Variants in CITED1 observed in about 807,000 individuals in gnomAD.
The protein encoded by CITED1 is cbp/p300-interacting transactivator 1.
Under a neutral mutation model 8.5 loss-of-function variants are expected in CITED1, and 3 were observed. The observed-to-expected ratio is 0.35, with a 90% CI of 0.16 to 0.91. CITED1 has a LOEUF of 0.91. CITED1 is among the 40% of genes least tolerant of loss of function. The pLI is 0.46. For synonymous variants in CITED1, 54 were observed against 67.4 expected (o/e 0.80, Z 0.97); for missense variants, 113 against 154.8 (o/e 0.73, Z 1.43).
At chrX:72,302,599 T>C (rs1193549861) in intron 2 of CITED1, among the ~76,000 whole-genome samples, 2 of 112,381 alleles carry the variant, frequency 1.8e-5, no homozygotes, top group Non-Finnish European at 3.8e-5. Context: ...TCCTACTCAA[T>C]TTCTCTGCTC....
chrX:72,305,760 G>C, intron 1 of CITED1, 65 bp downstream of exon 1: 1 of 129,895 alleles, frequency 7.7e-6, no homozygotes, highest in Non-Finnish European at 1.6e-5. Flanking sequence ...CAAGCCGCCT[G>C]CGGTCAGTGC....
chrX:72,303,064 C>T, intron 1 of CITED1, 130 bp from the exon 2 acceptor site: 1 of 846,628 alleles, frequency 1.2e-6, no homozygotes, highest in Non-Finnish European at 1.6e-6. Context: ...GAATCAAGAC[C>T]AGAGATCACC....
chrX:72,303,076 G>A (rs1312296045), intron 1 of CITED1, 142 bp from the exon 2 acceptor site: 2 of 795,511 alleles, frequency 2.5e-6, no homozygotes, highest in Admixed American at 3.3e-5. Context: ...GAGATCACCC[G>A]AGCACAGGGA....
rs1279757157 is a variant in CITED1, at chrX:72,302,027, G to C, written c.278C>G (p.Ala93Gly). The C allele has an allele frequency of 8.3e-7, 1 of 1,201,834 alleles. No individual in the cohort carries two copies. Among genetic ancestry groups the C allele is most frequent in the African/African-American group, 1.8e-5 (1 of 57,119 alleles). ...FNLHPAPHLL[A>G]SMHLQKLNSQ... ...ATTAAGTTTCTGCAGGTGCATACTA[G>C]CCAGCAAGTGAGGGGCGGGGTGCAG... Residue 93 changes from alanine (A) to glycine (G), a missense_variant, in exon 3 of 3, where the codon GCT (alanine) becomes GGT (glycine). Physicochemically the swap from Ala to Gly is moderately conservative, Grantham distance 60. Coordinates refer to ENST00000651998, the MANE Select transcript of CITED1 (RefSeq NM_001144887.2).
At chrX:72,305,122 GCC>G (rs1348273378) in intron 1 of CITED1, among the ~76,000 whole-genome samples, 1 of 112,288 alleles carries the variant, frequency 8.9e-6, no homozygotes, top group East Asian at 2.8e-4. Flanking sequence ...ATGCCTGGCG[GCC>G]CCCCGGCCAC....
intron 1 of CITED1, chrX:72,304,251 T>C (rs1049935278): frequency 8.8e-5 from 11 of 125,680 alleles, no homozygotes; most frequent in African/African-American, 3.6e-4. Flanking sequence ...TTCTAGAAAG[T>C]GGCCACTTAC....
upstream of CITED1, chrX:72,306,358 A>G (rs1327992512): frequency 9.0e-6 from 1 of 110,567 alleles, no homozygotes; most frequent in Non-Finnish European, 1.9e-5. Context: ...TTCCAACAGA[A>G]AGCAAGTCTC....
chrX:72,304,960 C>T (rs2043321809), intron 1 of CITED1, among the ~76,000 whole-genome samples: 1 of 113,060 alleles, frequency 8.8e-6, no homozygotes, highest in African/African-American at 3.2e-5. Flanking sequence ...CGGCTTTCTG[C>T]CCTCCTCCAC....
At chrX:72,305,614 G>GA in intron 1 of CITED1, 1 of 240,782 alleles carries the variant, frequency 4.2e-6, no homozygotes, top group East Asian at 9.0e-5. Flanking sequence ...GGACAGGCAG[G>GA]AAGGGGCACG....
intron 1 of CITED1, among the ~76,000 whole-genome samples, chrX:72,303,150 A>C (rs1367475934): frequency 1.8e-5 from 2 of 113,353 alleles, no homozygotes; most frequent in Non-Finnish European, 3.7e-5. Flanking sequence ...GGTACTGCCC[A>C]GGCAGCCACC....
At chrX:72,306,904 CT>C (rs2147645357), upstream of CITED1, 1 of 111,871 alleles carries the variant, frequency 8.9e-6, no homozygotes, top group Non-Finnish European at 1.9e-5. Flanking sequence ...AGGACAGACC[CT>C]TTTTTTCCCT....
At position 72,302,163 on chromosome X, in the gene CITED1, G is replaced by C. The variant is rs1239796705; in HGVS notation, c.142C>G (p.Pro48Ala). Reference sequence around the variant, plus strand: ...TTGGTTCCATTTGAGGCTACCCCAGGGTAGTGCAGAATGGCCACTGCTTTG... The same window carrying C: ...TTGGTTCCATTTGAGGCTACCCCAGCGTAGTGCAGAATGGCCACTGCTTTG... ...DRKAVAILHY[P>A]GVASNGTKAS... is the part of the protein sequence containing the mutation. Residue 48 changes from proline to alanine, a missense_variant, in exon 3 of 3, where the codon CCT becomes GCT. By Grantham distance (27) the Pro-to-Ala change is conservative. Coordinates refer to ENST00000651998, the MANE Select transcript of CITED1 (RefSeq NM_001144887.2). 1 of 1,200,998 alleles carries C rather than the reference G, an allele frequency of 8.3e-7. No homozygotes were observed. The highest frequency in any genetic ancestry group is 1.8e-5 in the South Asian group (1 of 55,178).
chrX:72,304,075 C>T, intron 1 of CITED1: 1 of 605,890 alleles, frequency 1.7e-6, no homozygotes, highest in Non-Finnish European at 2.0e-6. Flanking sequence ...CCCATATATT[C>T]TAGCTTTCAT....
chrX:72,302,976 A>G, intron 1 of CITED1, 42 bp from the exon 2 acceptor site: 1 of 1,187,864 alleles, frequency 8.4e-7, no homozygotes, highest in South Asian at 1.9e-5. Flanking sequence ...AAAAGGCTTC[A>G]CTGACCAACA....
upstream of CITED1, chrX:72,307,152 C>A (rs2043349438): frequency 8.9e-6 from 1 of 112,113 alleles, no homozygotes; most frequent in Non-Finnish European, 1.9e-5. Context: ...CAGCGGTGCC[C>A]CTTCTGCAGC....
rs376535843 is a variant in CITED1, at chrX:72,305,336, C to G, written c.-66+489G>C. On this transcript the variant is annotated intron_variant, in intron 1 of 2. Coordinates refer to ENST00000651998, the MANE Select transcript of CITED1 (RefSeq NM_001144887.2). ...CCATCTCGATTGCTATTTTCTCACTCAGAAGGAGAAATTTAAAAATCCAAA... is the reference window on the plus strand; with the variant it reads ...CCATCTCGATTGCTATTTTCTCACTGAGAAGGAGAAATTTAAAAATCCAAA... The G allele has an allele frequency of 7.9e-5, 92 of 1,160,616 alleles. No individual in the cohort carries two copies. The African/African-American group carries it at 1.5e-3, about 19-fold the overall frequency.
chrX:72,304,927 C>T lies in CITED1; in HGVS notation c.-66+898G>A, dbSNP rs190919090. ...TCTGAAGAAGCAATCGCATTTCCATCGGCATCCCTGGCTCTGCTTCCCCGG... is the reference window on the plus strand; with the variant it reads ...TCTGAAGAAGCAATCGCATTTCCATTGGCATCCCTGGCTCTGCTTCCCCGG... On this transcript the variant is annotated intron_variant, in intron 1 of 2. Coordinates refer to ENST00000651998, the MANE Select transcript of CITED1 (RefSeq NM_001144887.2). 9.8e-5 allele frequency among the ~76,000 whole-genome samples: 11 copies of T among 112,799 alleles called. No individual in the cohort carries two copies. In the East Asian group the frequency reaches 3.1e-3, roughly 31 times the overall value.
rs768415330 is a variant in CITED1, at chrX:72,301,793, T to C, written c.512A>G (p.Asn171Ser). 3.6e-5 allele frequency: 44 copies of C among 1,210,562 alleles called. No individual in the cohort carries two copies. The highest frequency in any genetic ancestry group is 5.9e-5 in the East Asian group (2 of 33,795). ...LVVELGLDRA[N>S]ELPELWLGQN... ...CCCCAGCCACAGCTCCGGAAGCTCA[T>C]TGGCTCGGTCCAACCCCAGTTCCAC... is the stretch of plus-strand genomic sequence containing the variant. The change falls in exon 3 of 3, where the codon AAT becomes AGT. Residue 171 changes from asparagine to serine, a missense_variant. Asn to Ser is a conservative substitution (Grantham distance 46, BLOSUM62 1). Coordinates refer to ENST00000651998, the MANE Select transcript of CITED1 (RefSeq NM_001144887.2).
chrX:72,301,949 C>T lies in CITED1; in HGVS notation c.356G>A (p.Gly119Glu), dbSNP rs1404964857. ...CCCAAAGTCCCAGTTTTGCAGGGGT[C>T]CTGCCTCCCCGGGTTGGCCTGGAGT... ...AATPGQPGEA[G>E]PLQNWDFGAQ... The change falls in exon 3 of 3, where the codon GGA (glycine) becomes GAA (glutamate). Residue 119 changes from glycine to glutamate, a missense_variant. Transcript: ENST00000651998. The T allele has an allele frequency of 1.7e-6, 2 of 1,210,731 alleles. No individual in the cohort carries two copies. Among genetic ancestry groups the T allele is most frequent in the African/African-American group, 3.5e-5 (2 of 57,366 alleles).
Sources: gnomAD v4.1 joint callset for allele counts (sites outside exome capture counted in the v4.1 genomes callset) on GRCh38, gnomAD v4.1.1 for gene constraint, MANE v1.5 for transcripts, NCBI Gene and HGNC (gene_info 2026-07-23, HGNC 2026-07-21) for gene names.